Variants in RORA observed in about 807,000 individuals in gnomAD.
RORA encodes the protein RAR related orphan receptor A.
In RORA, 7 loss-of-function variants were observed where a neutral mutation model predicts 69.5. That is an observed-to-expected ratio of 0.10 (90% CI 0.06 to 0.19). RORA has a LOEUF of 0.19. RORA is among the 10% of genes least tolerant of loss of function. RORA has a pLI of 1.00. For missense variants in RORA, 457 were observed against 663.0 expected (o/e 0.69, Z 3.41); for synonymous variants, 261 against 240.8 (o/e 1.08, Z -0.78).
chr15:60,858,362 C>A (rs1213767298), intron 1 of RORA, among the ~76,000 whole-genome samples: 1 of 152,130 alleles, frequency 6.6e-6, no homozygotes, highest in Non-Finnish European at 1.5e-5. Context: ...CGTTCTGGGT[C>A]TTTCTACTGG....
intron 1 of RORA, among the ~76,000 whole-genome samples, chr15:61,158,617 C>A (rs908350267): frequency 6.6e-5 from 10 of 152,176 alleles, no homozygotes; most frequent in Non-Finnish European, 1.3e-4. Context: ...CACTTATTTA[C>A]TGCTCATCCG....
chr15:61,018,695 A>G (rs1337636183), intron 1 of RORA, among the ~76,000 whole-genome samples: 1 of 152,170 alleles, frequency 6.6e-6, no homozygotes, highest in Non-Finnish European at 1.5e-5. Context: ...ATAAGTACAG[A>G]TGTATATATG....
intron 1 of RORA, among the ~76,000 whole-genome samples, chr15:60,695,717 A>T: frequency 6.6e-6 from 1 of 152,186 alleles, no homozygotes; most frequent in East Asian, 1.9e-4. Flanking sequence ...ATTTTTCATG[A>T]TTCCTGCCTC....
rs557544743 is a variant in RORA at position 61,090,752 on chromosome 15, C to T, written c.166+138301G>A. Among the ~76,000 whole-genome samples, 15 of 152,248 alleles carry T rather than the reference C, an allele frequency of 9.9e-5. No homozygotes were observed. The East Asian group carries it at 2.5e-3, about 25-fold the overall frequency. ...GTTAATGAGAATCCCAAATCTCTCC[C>T]GGTGAAACAGGAATCAGTGGTCTCC... is the stretch of plus-strand genomic sequence containing the variant. On this transcript the variant is annotated intron_variant, in intron 1 of 10. Transcript: ENST00000335670.
At chr15:60,524,838 A>G (rs1238238753) in intron 3 of RORA, among the ~76,000 whole-genome samples, 1 of 152,206 alleles carries the variant, frequency 6.6e-6, no homozygotes, top group African/African-American at 2.4e-5. Context: ...ATCCGCAACA[A>G]CCTACAATTG....
intron 1 of RORA, among the ~76,000 whole-genome samples, chr15:61,082,659 T>A (rs1259088807): frequency 6.6e-6 from 1 of 152,178 alleles, no homozygotes; most frequent in African/African-American, 2.4e-5. Context: ...CACCGAAAGA[T>A]GGCTGCAGTT....
intron 1 of RORA, among the ~76,000 whole-genome samples, chr15:60,947,022 G>A (rs1892905377): frequency 6.6e-6 from 1 of 150,996 alleles, no homozygotes. Context: ...GAGGTGGGGG[G>A]CCAGCCCCCG....
chr15:61,151,754 A>G (rs1296073729), intron 1 of RORA, among the ~76,000 whole-genome samples: 1 of 152,230 alleles, frequency 6.6e-6, no homozygotes, highest in Non-Finnish European at 1.5e-5. Flanking sequence ...TTGAATACGA[A>G]GCTTATCAAG....
At chr15:61,151,347 A>C (rs930634288) in intron 1 of RORA, among the ~76,000 whole-genome samples, 1 of 152,208 alleles carries the variant, frequency 6.6e-6, no homozygotes, top group Non-Finnish European at 1.5e-5. Context: ...AATGTTGTAC[A>C]CTTAATATGT....
intron 1 of RORA, among the ~76,000 whole-genome samples, chr15:60,977,792 C>T (rs1893921312): frequency 6.6e-6 from 1 of 152,078 alleles, no homozygotes; most frequent in Non-Finnish European, 1.5e-5. Flanking sequence ...ATCAGTATTC[C>T]CCTCCTTTTT....
intron 1 of RORA, among the ~76,000 whole-genome samples, chr15:60,772,693 C>T (rs1041125946): frequency 6.6e-6 from 1 of 152,040 alleles, no homozygotes; most frequent in Non-Finnish European, 1.5e-5. Flanking sequence ...AAAGATGGAG[C>T]GTTCATGAAT....
chr15:61,123,399 G>A (rs540565364), intron 1 of RORA, among the ~76,000 whole-genome samples: 1 of 152,280 alleles, frequency 6.6e-6, no homozygotes, highest in African/African-American at 2.4e-5. Flanking sequence ...CCAAGATAAT[G>A]TAAGGGCAGG....
At chr15:61,069,731 G>A (rs945712943) in intron 1 of RORA, among the ~76,000 whole-genome samples, 21 of 151,470 alleles carry the variant, frequency 1.4e-4, no homozygotes, top group African/African-American at 5.1e-4. Flanking sequence ...AAAAAAAAAG[G>A]AAAGAAAAAA....
intron 1 of RORA, among the ~76,000 whole-genome samples, chr15:61,086,785 A>G (rs912210612): frequency 4.0e-5 from 6 of 151,806 alleles, no homozygotes; most frequent in African/African-American, 1.5e-4. Context: ...TATTTTTTTT[A>G]AATAAAGTTT....
intron 1 of RORA, among the ~76,000 whole-genome samples, chr15:60,774,010 G>T (rs1254375222): frequency 1.3e-5 from 2 of 152,214 alleles, no homozygotes. Context: ...CTGTTTGGCT[G>T]TCTGGGGAGG....
chr15:60,890,374 C>G, intron 1 of RORA, among the ~76,000 whole-genome samples: 1 of 152,184 alleles, frequency 6.6e-6, no homozygotes, highest in Admixed American at 6.5e-5. Context: ...ATGCAGAGTA[C>G]ACAAATTTTA....
intron 1 of RORA, among the ~76,000 whole-genome samples, chr15:60,857,627 C>G (rs2073394788): frequency 1.3e-5 from 2 of 152,186 alleles, no homozygotes; most frequent in Admixed American, 1.3e-4. Context: ...GAAGGCCTAC[C>G]TGGCTGCCGC....
At chr15:60,838,781 C>T (rs1400529557) in intron 1 of RORA, among the ~76,000 whole-genome samples, 1 of 150,646 alleles carries the variant, frequency 6.6e-6, no homozygotes, top group Non-Finnish European at 1.5e-5. Flanking sequence ...AGACAATTTT[C>T]TTCTTTTCCT....
At chr15:61,202,173 A>G (rs2079901448) in intron 1 of RORA, among the ~76,000 whole-genome samples, 1 of 151,820 alleles carries the variant, frequency 6.6e-6, no homozygotes, top group Admixed American at 6.6e-5. Flanking sequence ...ATGCCCAGCT[A>G]ATTTTTTTTT....
Sources: allele counts gnomAD v4.1 joint callset (sites outside exome capture counted in the v4.1 genomes callset), GRCh38; gene constraint gnomAD v4.1.1; transcripts MANE v1.5; gene names NCBI Gene and HGNC (gene_info 2026-07-23, HGNC 2026-07-21).